EYS: variants seen among roughly 807,000 people sequenced by gnomAD.
EYS encodes protein eyes shut homolog.
A neutral mutation model predicts 282.1 loss-of-function variants in EYS; 250 were observed. That is an observed-to-expected ratio of 0.89 (90% CI 0.80 to 0.98). EYS has a LOEUF of 0.98. Among genes scored for constraint, EYS ranks in the 50% least tolerant of loss-of-function variants. The pLI is 0.00. For missense variants in EYS, 4,016 were observed against 3,709.0 expected (o/e 1.08, Z -2.15); for synonymous variants, 1,355 against 1,282.9 (o/e 1.06, Z -1.20).
At chr6:64,813,297 T>C (rs1764649841) in intron 22 of EYS, 81 bp downstream of exon 22, 2 of 1,000,524 alleles carry the variant, frequency 2.0e-6, no homozygotes, top group Admixed American at 3.3e-5. Flanking sequence ...AGTATTTACA[T>C]TGCAGAGTGC....
chr6:63,835,706 T>C (rs571623980), intron 36 of EYS, among the ~76,000 whole-genome samples: 2 of 152,180 alleles, frequency 1.3e-5, no homozygotes, highest in East Asian at 3.9e-4. Context: ...ATACCACCTG[T>C]AGCCCAATAA....
intron 5 of EYS, among the ~76,000 whole-genome samples, chr6:65,473,861 AG>A (rs1309917524): frequency 2.0e-5 from 3 of 151,202 alleles, no homozygotes; most frequent in Admixed American, 6.6e-5. Flanking sequence ...AAAAAAAAAA[AG>A]GAAATGTAGA....
chr6:64,053,379 G>C (rs1770878094), intron 33 of EYS, among the ~76,000 whole-genome samples: 1 of 151,974 alleles, frequency 6.6e-6, no homozygotes, highest in Non-Finnish European at 1.5e-5. Context: ...AAAAACATAA[G>C]AAAATTTTGA....
intron 31 of EYS, among the ~76,000 whole-genome samples, chr6:64,171,015 C>T (rs936091199): frequency 3.3e-5 from 5 of 152,126 alleles, no homozygotes; most frequent in Non-Finnish European, 1.5e-5. Flanking sequence ...TACCCCTGAA[C>T]CTACCGCTTC....
chr6:65,377,665 A>G (rs545210980), intron 8 of EYS, among the ~76,000 whole-genome samples: 2 of 152,242 alleles, frequency 1.3e-5, no homozygotes, highest in South Asian at 2.1e-4. Context: ...AAAATCAAAC[A>G]GACACAATAA....
intron 33 of EYS, among the ~76,000 whole-genome samples, chr6:64,050,118 C>A (rs948536149): frequency 6.6e-6 from 1 of 152,066 alleles, no homozygotes; most frequent in Non-Finnish European, 1.5e-5. Flanking sequence ...CATTATTCAC[C>A]CTGCCTTCTT....
At chr6:65,062,809 CT>C (rs1462799445) in intron 12 of EYS, among the ~76,000 whole-genome samples, 1 of 151,954 alleles carries the variant, frequency 6.6e-6, no homozygotes, top group East Asian at 1.9e-4. Flanking sequence ...ATTATCTTTA[CT>C]ATCCAGTAAC....
intron 34 of EYS, among the ~76,000 whole-genome samples, chr6:63,988,479 C>G (rs538205288): frequency 2.6e-4 from 40 of 151,714 alleles, no homozygotes; most frequent in African/African-American, 9.2e-4. Context: ...ATGTGAGGCT[C>G]ATGCTTAGTT....
At chr6:64,837,100 G>A (rs1765404242) in intron 19 of EYS, among the ~76,000 whole-genome samples, 1 of 151,504 alleles carries the variant, frequency 6.6e-6, no homozygotes, top group African/African-American at 2.4e-5. Flanking sequence ...TCTTTAATAG[G>A]TTATAGCAAT....
At chr6:65,547,201 C>G (rs1768423997) in intron 2 of EYS, among the ~76,000 whole-genome samples, 1 of 150,022 alleles carries the variant, frequency 6.7e-6, no homozygotes, top group Admixed American at 6.8e-5. Flanking sequence ...TAGAGTTGAG[C>G]TCATCTAGTA....
At chr6:64,667,506 C>T (rs1344672695) in intron 22 of EYS, among the ~76,000 whole-genome samples, 8 of 151,326 alleles carry the variant, frequency 5.3e-5, no homozygotes, top group Admixed American at 4.6e-4. Context: ...CATTTGGGAA[C>T]TTATGACTTT....
chr6:65,160,514 T>A (rs146601007), intron 12 of EYS, among the ~76,000 whole-genome samples: 1 of 150,960 alleles, frequency 6.6e-6, no homozygotes, highest in African/African-American at 2.4e-5. Context: ...GGGGCACTTA[T>A]CTTTTGTTTG....
chr6:64,082,410 A>T (rs1470207085), intron 31 of EYS, among the ~76,000 whole-genome samples: 1 of 152,098 alleles, frequency 6.6e-6, no homozygotes, highest in Non-Finnish European at 1.5e-5. Context: ...ATATATATTT[A>T]TGGGTTTCAT....
chr6:63,991,060 T>C (rs1767582123), intron 34 of EYS, among the ~76,000 whole-genome samples: 1 of 151,714 alleles, frequency 6.6e-6, no homozygotes, highest in African/African-American at 2.4e-5. Context: ...ATGGGCAGCT[T>C]GTGGCAGATC....
intron 31 of EYS, among the ~76,000 whole-genome samples, chr6:64,191,953 A>AAAG (rs1448765007): frequency 4.1e-5 from 6 of 147,114 alleles, no homozygotes; most frequent in Non-Finnish European, 7.5e-5. Flanking sequence ...CAACAGTGTA[A>AAAG]AAGTGTTCCT....
At chr6:64,935,827 A>C (rs1341047018) in intron 15 of EYS, among the ~76,000 whole-genome samples, 2 of 151,844 alleles carry the variant, frequency 1.3e-5, no homozygotes, top group East Asian at 3.9e-4. Flanking sequence ...GTTCCACAAA[A>C]TAAGTACATG....
At chr6:64,865,917 C>G (rs1490895448) in intron 19 of EYS, among the ~76,000 whole-genome samples, 4 of 151,870 alleles carry the variant, frequency 2.6e-5, no homozygotes, top group Non-Finnish European at 5.9e-5. Flanking sequence ...CATATGGTTC[C>G]AAGATTTATG....
intron 19 of EYS, among the ~76,000 whole-genome samples, chr6:64,845,026 C>T (rs570316187): frequency 6.6e-6 from 1 of 152,230 alleles, no homozygotes; most frequent in African/African-American, 2.4e-5. Flanking sequence ...TGGTGGCTCA[C>T]ACCTATAATC....
At chr6:64,234,763 T>C (rs1054382345) in intron 30 of EYS, among the ~76,000 whole-genome samples, 2 of 152,212 alleles carry the variant, frequency 1.3e-5, no homozygotes, top group African/African-American at 4.8e-5. Context: ...GATTTGCCTA[T>C]TTTAGACCTT....
Sources: allele counts gnomAD v4.1 joint callset (sites outside exome capture counted in the v4.1 genomes callset), GRCh38; gene constraint gnomAD v4.1.1; transcripts MANE v1.5; gene names NCBI Gene and HGNC (gene_info 2026-07-23, HGNC 2026-07-21).